ICE1: variants seen among roughly 807,000 people sequenced by gnomAD.
The protein encoded by ICE1 is interactor of little elongation complex ELL subunit 1.
In ICE1, 64 loss-of-function variants were observed where a neutral mutation model predicts 192.7. The ratio of observed to expected loss-of-function variants is 0.33; its 90% CI spans 0.27 to 0.41. The LOEUF (loss-of-function observed/expected upper bound fraction) is 0.41, where lower values mean the gene tolerates loss of function less well. Among genes scored for constraint, ICE1 ranks in the 10% least tolerant of loss-of-function variants. The pLI is 1.00. For synonymous variants in ICE1, 1,010 were observed against 984.5 expected, an observed-to-expected ratio of 1.03 and a Z score of -0.49; for missense variants, 2,708 against 2,696.0, an observed-to-expected ratio of 1.00 and a Z score of -0.10.
At position 5,444,307 on chromosome 5, in the gene ICE1, T is replaced by C; in HGVS notation, c.405T>C (p.Ala135=). The change falls in exon 7 of 19, where the codon GCT becomes GCC. Residue 135 remains alanine, a synonymous_variant. Transcript: ENST00000296564. Reference sequence around the variant, plus strand: ...TTATTAGGAAGAAGAAACTAGAAGCTAAGGTGAAGAAGCTGCAAGGTAAGT... The same window carrying C: ...TTATTAGGAAGAAGAAACTAGAAGCCAAGGTGAAGAAGCTGCAAGGTAAGT... ...KSDAQKKKLE[A]KVKKLQEAAV... The C allele has an allele frequency of 6.4e-7, 1 of 1,567,780 alleles. No homozygotes were observed.
At chr5:5,475,451 A>G (rs1407829260) in intron 16 of ICE1, among the ~76,000 whole-genome samples, 1 of 152,232 alleles carries the variant, frequency 6.6e-6, no homozygotes, top group Non-Finnish European at 1.5e-5. Context: ...AGATTTTTGA[A>G]AAAACAGATG....
At position 5,461,680 on chromosome 5, in the gene ICE1, T is replaced by C. The variant is rs1738784956; in HGVS notation, c.2346T>C (p.Gly782=). The C allele has an allele frequency of 6.2e-7, 1 of 1,613,850 alleles. No individual in the cohort carries two copies. Residue 782 remains glycine, a synonymous_variant, in exon 13 of 19, where the codon GGT becomes GGC. Coordinates refer to ENST00000296564, the MANE Select transcript of ICE1 (RefSeq NM_015325.3). ...CTCAGGCTGCCTTGATCAAGAGTGGTTTGGGTTTTGTTAAAAGTACTTCAT... is the reference window on the plus strand; with the variant it reads ...CTCAGGCTGCCTTGATCAAGAGTGGCTTGGGTTTTGTTAAAAGTACTTCAT... ...IGSQAALIKS[G]LGFVKSTSWH...
chr5:5,453,973 C>G lies in ICE1; in HGVS notation c.605-579C>G, dbSNP rs142885016. On this transcript the variant is annotated intron_variant, in intron 10 of 18. Transcript: ENST00000296564. ...CTGCTCGTGTGTGTGATGATCGGTT[C>G]CTACCCATATGTTCATACGCACACA... 4.5e-3 allele frequency among the ~76,000 whole-genome samples: 692 copies of G among 152,236 alleles called. 16 individuals carry two copies. The highest frequency in any genetic ancestry group is 4.0e-3 in the Non-Finnish European group (272 of 68,012).
chr5:5,474,061 T>G (rs1464170116), intron 16 of ICE1, among the ~76,000 whole-genome samples: 1 of 151,742 alleles, frequency 6.6e-6, no homozygotes, highest in African/African-American at 2.4e-5. Flanking sequence ...ATACAAAAAA[T>G]TAGCTGGGCG....
chr5:5,455,907 G>A (rs1005649853), intron 11 of ICE1, among the ~76,000 whole-genome samples: 8 of 151,762 alleles, frequency 5.3e-5, no homozygotes, highest in African/African-American at 9.7e-5. Flanking sequence ...AGGAACCCAC[G>A]TTGCCTTTAG....
chr5:5,466,266 G>C, intron 13 of ICE1, 68 bp from the exon 14 acceptor site: 2 of 1,385,866 alleles, frequency 1.4e-6, no homozygotes, highest in Admixed American at 2.8e-5. Flanking sequence ...GTAACTTTTA[G>C]ATAATCTTTG....
intron 1 of ICE1, among the ~76,000 whole-genome samples, chr5:5,428,824 C>CT (rs1397495829): frequency 6.6e-6 from 1 of 152,152 alleles, no homozygotes; most frequent in Non-Finnish European, 1.5e-5. Context: ...TTCATTTAGT[C>CT]TTTGTCTTTC....
At chr5:5,425,566 G>A (rs1288105322) in intron 1 of ICE1, among the ~76,000 whole-genome samples, 1 of 152,226 alleles carries the variant, frequency 6.6e-6, no homozygotes. Flanking sequence ...GGAAAGTTAC[G>A]AGTAGAGTCT....
chr5:5,461,450 T>C lies in ICE1; in HGVS notation c.2116T>C (p.Leu706=), dbSNP rs574788713. The change falls in exon 13 of 19, where the codon TTG becomes CTG. Residue 706 remains leucine (L), a synonymous_variant. Transcript: ENST00000296564. ...CAACTTGGAGAATAGCTTGTGTGCCTTGAGCCCTGAATTGGGAGCATCTAA... is the reference window on the plus strand; with the variant it reads ...CAACTTGGAGAATAGCTTGTGTGCCCTGAGCCCTGAATTGGGAGCATCTAA... The part of the protein sequence containing the change: ...GNNLENSLCA[L]SPELGASNFN... 1.2e-6 allele frequency: 2 copies of C among 1,614,060 alleles called. No homozygotes were observed. Among genetic ancestry groups the C allele is most frequent in the Non-Finnish European group, 1.7e-6 (2 of 1,179,898 alleles).
rs770279428 is a variant in ICE1, at chr5:5,486,828, T to TA, written c.6619+10dup. ...GCATGCTCACGATGAAGGTAAAACT[T>TA]ACATCTATTAAAATTACTTTTAAGT... On this transcript the variant is annotated intron_variant, in intron 18 of 18. Coordinates refer to ENST00000296564, the MANE Select transcript of ICE1 (RefSeq NM_015325.3). The TA allele has an allele frequency of 3.2e-6, 5 of 1,562,736 alleles. No individual in the cohort carries two copies. Among genetic ancestry groups the TA allele is most frequent in the South Asian group, 2.3e-5 (2 of 85,382 alleles).
chr5:5,441,553 AT>A (rs1488427105), intron 5 of ICE1, among the ~76,000 whole-genome samples: 2 of 152,250 alleles, frequency 1.3e-5, no homozygotes, highest in Non-Finnish European at 2.9e-5. Flanking sequence ...GTAAAATAAC[AT>A]GCAAAAATTC....
chr5:5,480,281 GCTCT>G, intron 17 of ICE1, among the ~76,000 whole-genome samples: 1 of 129,512 alleles, frequency 7.7e-6, no homozygotes, highest in African/African-American at 4.2e-5. Context: ...ATGGAGTCTG[GCTCT>G]GTTGCCCAGG....
intron 7 of ICE1, among the ~76,000 whole-genome samples, chr5:5,444,812 C>G (rs1298234146): frequency 6.6e-6 from 1 of 152,166 alleles, no homozygotes; most frequent in African/African-American, 2.4e-5. Flanking sequence ...GCCTCACCCT[C>G]TTGTTAGGGG....
rs1561075164 is a variant in ICE1, at chr5:5,437,075, T to G, written c.144-5T>G. On this transcript the variant is annotated splice_region_variant and splice_polypyrimidine_tract_variant and intron_variant, in intron 2 of 18. Transcript: ENST00000296564. ...GTAACCTAATTTTTCTTTTCTTTTT[T>G]GCAGTAATTTGTTAACAGAATATCA... The G allele has an allele frequency of 6.7e-7, 1 of 1,485,354 alleles. No homozygotes were observed. The highest frequency in any genetic ancestry group is 9.2e-7 in the Non-Finnish European group (1 of 1,084,970). 92.0% of individuals were successfully genotyped at this position (1,485,354 alleles called of 1,614,324 possible).
Position 5,462,596 on chromosome 5 carries a change from A to C in ICE1, c.3262A>C (p.Ser1088Arg). 1 of 1,613,998 alleles carries C rather than the reference A, an allele frequency of 6.2e-7. No individual in the cohort carries two copies. The highest frequency in any genetic ancestry group is 8.5e-7 in the Non-Finnish European group (1 of 1,179,880). Residue 1088 changes from serine to arginine, a missense_variant, in exon 13 of 19, where the codon AGT becomes CGT. Physicochemically the swap from Ser to Arg is moderately radical, Grantham distance 110. Transcript: ENST00000296564. Reference sequence around the variant, plus strand: ...TGGAGAGACACAGGATACCTCCCAAAGTAGCCTGCCTGGTACCTTACATTG... The same window carrying C: ...TGGAGAGACACAGGATACCTCCCAACGTAGCCTGCCTGGTACCTTACATTG... The part of the protein sequence containing the change: ...KHGETQDTSQ[S>R]SLPGTLHCYT...
In ICE1 at chr5:5,444,252, C is replaced by T. The variant is rs757998362; in HGVS notation, c.387-37C>T. Reference sequence around the variant, plus strand: ...TAAGGCATATTTTTTCCTATTCTCTCTTTCTTGCCATTTAACTTACACAAT... The same window carrying T: ...TAAGGCATATTTTTTCCTATTCTCTTTTTCTTGCCATTTAACTTACACAAT... On this transcript the variant is annotated intron_variant, in intron 6 of 18. Transcript: ENST00000296564. 18 of 1,453,970 alleles carry T rather than the reference C, an allele frequency of 1.2e-5. No individual in the cohort carries two copies. In the African/African-American group the frequency reaches 2.5e-4, roughly 21 times the overall value. 90.1% of individuals were successfully genotyped at this position (1,453,970 alleles called of 1,614,324 possible). A position where few individuals can be genotyped will look rare whatever the true frequency, so the allele number is the denominator to read the frequency against.
Position 5,461,787 on chromosome 5 carries a change from A to G in ICE1, c.2453A>G (p.Gln818Arg), listed in dbSNP as rs1738790744. Residue 818 changes from glutamine to arginine, a missense_variant, in exon 13 of 19, where the codon CAG becomes CGG. Physicochemically the swap from Gln to Arg is conservative, Grantham distance 43 (BLOSUM62 1). Transcript: ENST00000296564. ...KSEHEQKTSH[Q>R]LQKAMPFLQN... is the part of the protein sequence containing the mutation. ...GAACATGAACAGAAGACTAGCCATC[A>G]GTTACAAAAGGCAATGCCATTCCTA... is the stretch of plus-strand genomic sequence containing the variant. The G allele has an allele frequency of 1.2e-6, 2 of 1,613,996 alleles. No individual in the cohort carries two copies. The highest frequency in any genetic ancestry group is 4.5e-5 in the East Asian group (2 of 44,890).
intron 1 of ICE1, among the ~76,000 whole-genome samples, chr5:5,424,423 G>C (rs780344797): frequency 2.1e-5 from 3 of 142,214 alleles, no homozygotes; most frequent in Non-Finnish European, 4.5e-5. Context: ...GAGTTCTCCC[G>C]AATCTTTAAT....
At chr5:5,456,484 CAT>C (rs1738584218) in intron 11 of ICE1, among the ~76,000 whole-genome samples, 1 of 152,276 alleles carries the variant, frequency 6.6e-6, no homozygotes, top group East Asian at 1.9e-4. Flanking sequence ...AGTATAGTCT[CAT>C]AGATATTTAT....
Sources: allele counts gnomAD v4.1 joint callset (sites outside exome capture counted in the v4.1 genomes callset), GRCh38; gene constraint gnomAD v4.1.1; transcripts MANE v1.5; gene names NCBI Gene and HGNC (gene_info 2026-07-23, HGNC 2026-07-21).